The following ROS1 variants were observed in gnomAD, a reference collection of about 807,000 sequenced individuals.
ROS1 encodes ROS proto-oncogene 1, receptor tyrosine kinase.
Under a neutral mutation model 273.5 loss-of-function variants are expected in ROS1, and 263 were observed. That is an observed-to-expected ratio of 0.96 (90% CI 0.87 to 1.06). The LOEUF (loss-of-function observed/expected upper bound fraction) is 1.06. Among genes scored for constraint, ROS1 ranks in the 50% least tolerant of loss-of-function variants. ROS1 has a pLI of 0.00. For synonymous variants in ROS1, 1,008 were observed against 954.1 expected (o/e 1.06, Z -1.04); for missense variants, 2,833 against 2,751.1 (o/e 1.03, Z -0.67).
chr6:117,388,717 G>C (rs1025141544), intron 13 of ROS1, among the ~76,000 whole-genome samples: 1 of 152,156 alleles, frequency 6.6e-6, no homozygotes, highest in Non-Finnish European at 1.5e-5. Flanking sequence ...TTCCTTTACA[G>C]AAAAAGTTTG....
intron 34 of ROS1, among the ~76,000 whole-genome samples, chr6:117,325,473 G>A (rs1478656195): frequency 6.6e-6 from 1 of 152,116 alleles, no homozygotes; most frequent in Non-Finnish European, 1.5e-5. Flanking sequence ...AATTACAGAA[G>A]ACCTCACATG....
Position 117,342,535 on chromosome 6 carries a change from C to G in ROS1, c.4516G>C (p.Asp1506His). 1 of 1,481,942 alleles carries G rather than the reference C, an allele frequency of 6.7e-7. No homozygotes were observed. The highest frequency in any genetic ancestry group is 9.0e-7 in the Non-Finnish European group (1 of 1,107,140). 91.8% of individuals were successfully genotyped at this position (1,481,942 alleles called of 1,614,324 possible). A position where few individuals can be genotyped will look rare whatever the true frequency, so the allele number is the denominator to read the frequency against. ...DLKYRILEFQ[D>H]SIALIEDLQP... Reference sequence around the variant, plus strand: ...AAATCTTCAATAAGAGCTATACTGTCCTGAAATTCCTGTAATTGATTTTTT... The same window carrying G: ...AAATCTTCAATAAGAGCTATACTGTGCTGAAATTCCTGTAATTGATTTTTT... Residue 1506 changes from aspartate to histidine, a missense_variant, in exon 29 of 44, where the codon GAC (aspartate) becomes CAC (histidine). Coordinates refer to ENST00000368507, the MANE Select transcript of ROS1 (RefSeq NM_001378902.1).
At chr6:117,407,589 G>A (rs1489678086) in intron 5 of ROS1, among the ~76,000 whole-genome samples, 1 of 151,968 alleles carries the variant, frequency 6.6e-6, no homozygotes, top group African/African-American at 2.4e-5. Flanking sequence ...AATAATGAAA[G>A]GTGCATTCAA....
intron 31 of ROS1, among the ~76,000 whole-genome samples, chr6:117,339,045 T>C (rs1777699070): frequency 6.6e-6 from 1 of 152,158 alleles, no homozygotes; most frequent in Non-Finnish European, 1.5e-5. Flanking sequence ...TTAAATATGT[T>C]CTTCTTCTAT....
chr6:117,416,267 AG>A lies in ROS1; in HGVS notation c.218del (p.Ala73ValfsTer2). On this transcript the variant is annotated frameshift_variant, in exon 3 of 44. Transcript: ENST00000368507. LOFTEE classifies it high-confidence loss of function. ...TCTAATTAATACTTACACACTTTAAAGCACAGTTTTTCTGATCTACAGAGTT... is the reference window on the plus strand; with the variant it reads ...TCTAATTAATACTTACACACTTTAAACACAGTTTTTCTGATCTACAGAGTT... ...FWNSVDQKNCALKCNDTYATV... is the reference protein window; with the variant it reads ...FWNSVDQKNCXLKCNDTYATV... The A allele has an allele frequency of 4.4e-6, 7 of 1,583,664 alleles. No homozygotes were observed. Among genetic ancestry groups the A allele is most frequent in the Non-Finnish European group, 6.1e-6 (7 of 1,152,474 alleles).
chr6:117,356,548 C>A, intron 26 of ROS1, 81 bp downstream of exon 26: 1 of 1,246,800 alleles, frequency 8.0e-7, no homozygotes, highest in Non-Finnish European at 1.1e-6. Context: ...TGAGTATACG[C>A]GGAATGCAAG....
At chr6:117,413,809 C>T (rs1380084314) in intron 4 of ROS1, among the ~76,000 whole-genome samples, 1 of 152,012 alleles carries the variant, frequency 6.6e-6, no homozygotes, top group Non-Finnish European at 1.5e-5. Context: ...TGGCAAAACC[C>T]CATCTCTACT....
intron 32 of ROS1, among the ~76,000 whole-genome samples, chr6:117,335,990 A>G (rs1442517907): frequency 6.6e-6 from 1 of 152,166 alleles, no homozygotes; most frequent in Non-Finnish European, 1.5e-5. Flanking sequence ...ATTCAGAAAT[A>G]TTCTTATATG....
rs573490965 is a variant in ROS1, at chr6:117,299,134, G to A, written c.6715+1840C>T. 1.6e-4 allele frequency among the ~76,000 whole-genome samples: 24 copies of A among 152,266 alleles called. 1 individual carries two copies. Among genetic ancestry groups the A allele is most frequent in the African/African-American group, 5.5e-4 (23 of 41,552 alleles). ...AGAAACAATGTGAGACTATTAACAA[G>A]GTTTACTCTAATGAGGGTTATGACG... On this transcript the variant is annotated intron_variant, in intron 43 of 43. Coordinates refer to ENST00000368507, the MANE Select transcript of ROS1 (RefSeq NM_001378902.1).
chr6:117,295,268 G>T (rs958442923), intron 43 of ROS1, among the ~76,000 whole-genome samples: 1 of 152,306 alleles, frequency 6.6e-6, no homozygotes, highest in South Asian at 2.1e-4. Flanking sequence ...ATGCTGCTGT[G>T]AAAACTGGAT....
chr6:117,342,571 A>T, intron 28 of ROS1, 27 bp from the exon 29 acceptor site: 1 of 1,359,966 alleles, frequency 7.4e-7, no homozygotes, highest in Non-Finnish European at 1.0e-6. Context: ...AAAAATCAAC[A>T]TCTTATTTTT....
At chr6:117,316,085 G>A (rs1297066987) in intron 39 of ROS1, among the ~76,000 whole-genome samples, 2 of 152,114 alleles carry the variant, frequency 1.3e-5, no homozygotes, top group Non-Finnish European at 2.9e-5. Context: ...TGGTTTATCT[G>A]CAAAATTGTG....
intron 7 of ROS1, among the ~76,000 whole-genome samples, chr6:117,402,802 C>T (rs1774055780): frequency 6.7e-6 from 1 of 149,978 alleles, no homozygotes; most frequent in Non-Finnish European, 1.5e-5. Context: ...GCAGGGGAAT[C>T]ACTTGAACCC....
intron 40 of ROS1, 133 bp from the exon 41 acceptor site, chr6:117,310,414 A>C (rs1229445601): frequency 1.6e-6 from 1 of 619,270 alleles, no homozygotes; most frequent in East Asian, 2.9e-5. Flanking sequence ...TCTGGATTAC[A>C]TGTGCTGAAC....
At chr6:117,313,735 G>C (rs1775709984) in intron 39 of ROS1, among the ~76,000 whole-genome samples, 1 of 152,168 alleles carries the variant, frequency 6.6e-6, no homozygotes, top group Non-Finnish European at 1.5e-5. Context: ...GTCCTTGAAT[G>C]CAGGGAGAAA....
At chr6:117,403,500 C>T (rs1038140712) in intron 6 of ROS1, among the ~76,000 whole-genome samples, 1 of 152,106 alleles carries the variant, frequency 6.6e-6, no homozygotes, top group Non-Finnish European at 1.5e-5. Context: ...TTGGCATTTA[C>T]CTCAAGGACT....
rs1297010018 is a variant in ROS1, at chr6:117,394,296, G to C, written c.1057C>G (p.Leu353Val). The change falls in exon 11 of 44, where the codon CTC becomes GTC. Residue 353 changes from leucine (L) to valine (V), a missense_variant. Coordinates refer to ENST00000368507, the MANE Select transcript of ROS1 (RefSeq NM_001378902.1). ...TTGGCAGCCTTCTTCGCCCATATGAGAGTTCCTTCAGAGAAATAAACAATT... is the reference window on the plus strand; with the variant it reads ...TTGGCAGCCTTCTTCGCCCATATGACAGTTCCTTCAGAGAAATAAACAATT... ...QQIVYFSEGT[L>V]IWAKKAANMS... is the part of the protein sequence containing the mutation. The C allele has an allele frequency of 6.2e-7, 1 of 1,608,798 alleles. No individual in the cohort carries two copies. The highest frequency in any genetic ancestry group is 2.2e-5 in the East Asian group (1 of 44,656).
intron 33 of ROS1, among the ~76,000 whole-genome samples, chr6:117,326,804 C>T (rs1047984060): frequency 1.3e-5 from 2 of 152,138 alleles, no homozygotes; most frequent in African/African-American, 2.4e-5. Context: ...TTGTAGTTTA[C>T]TTATGCCATA....
rs12665452 is a variant in ROS1 at position 117,312,852 on chromosome 6, C to A, written c.6118-1735G>T. Among the ~76,000 whole-genome samples, 310 of 152,192 alleles carry A rather than the reference C, an allele frequency of 2.0e-3. 3 individuals are homozygous for A. The East Asian group carries it at 0.042, about 21-fold the overall frequency. ...GATCTCAATCTATCCCTAGTCAAAG[C>A]CTTTCATAACTCAGTGGGAAAGTAT... On this transcript the variant is annotated intron_variant, in intron 39 of 43. Coordinates refer to ENST00000368507, the MANE Select transcript of ROS1 (RefSeq NM_001378902.1).
Sources: gnomAD v4.1 joint callset for allele counts (sites outside exome capture counted in the v4.1 genomes callset) on GRCh38, gnomAD v4.1.1 for gene constraint, MANE v1.5 for transcripts, NCBI Gene and HGNC (gene_info 2026-07-23, HGNC 2026-07-21) for gene names.